Variants in EFCAB5 observed in about 807,000 individuals in gnomAD.
EFCAB5 encodes the protein EF-hand calcium binding domain 5, also known as EF-hand calcium-binding domain-containing protein 5.
A neutral mutation model predicts 167.9 loss-of-function variants in EFCAB5; 131 were observed. The ratio of observed to expected loss-of-function variants is 0.78; its 90% CI spans 0.68 to 0.90. The LOEUF (loss-of-function observed/expected upper bound fraction) is 0.90, where lower values mean the gene tolerates loss of function less well. Ranked by LOEUF, EFCAB5 falls within the 40% of genes least tolerant of loss-of-function variation. EFCAB5 has a pLI of 0.00. For missense variants in EFCAB5, 1,663 were observed against 1,745.2 expected, an observed-to-expected ratio of 0.95 and a Z score of 0.84; for synonymous variants, 574 against 602.8, an observed-to-expected ratio of 0.95 and a Z score of 0.70.
chr17:30,050,006 C>T (rs2070042071), intron 8 of EFCAB5, among the ~76,000 whole-genome samples: 1 of 151,884 alleles, frequency 6.6e-6, no homozygotes, highest in African/African-American at 2.4e-5. Context: ...ATGGTGTTTC[C>T]ATATTACAGA....
At chr17:30,057,952 C>A in intron 13 of EFCAB5, 62 bp downstream of exon 13, 1 of 1,457,660 alleles carries the variant, frequency 6.9e-7, no homozygotes, top group Non-Finnish European at 9.3e-7. Flanking sequence ...ATCTCTCAAC[C>A]TCAGTTGCTC....
Position 30,056,083 on chromosome 17 carries a change from C to G in EFCAB5, c.2292C>G (p.Asn764Lys), listed in dbSNP as rs1440282210. The G allele has an allele frequency of 6.8e-6, 11 of 1,612,652 alleles. No individual in the cohort carries two copies. The highest frequency in any genetic ancestry group is 9.3e-6 in the Non-Finnish European group (11 of 1,179,218). Reference protein sequence around the residue: ...KSWSGEFFTCNWKMKYVTFED... With the variant: ...KSWSGEFFTCKWKMKYVTFED... Reference sequence around the variant, plus strand: ...TTACAGGTGAATTTTTTACTTGTAACTGGAAAATGAAGTATGTCACATTTG... The same window carrying G: ...TTACAGGTGAATTTTTTACTTGTAAGTGGAAAATGAAGTATGTCACATTTG... Residue 764 changes from asparagine to lysine, a missense_variant, in exon 12 of 23, where the codon AAC (asparagine) becomes AAG (lysine). Coordinates refer to ENST00000394835, the MANE Select transcript of EFCAB5 (RefSeq NM_198529.4).
At position 29,943,554 on chromosome 17, in the gene EFCAB5, T is replaced by G. The variant is rs1262573838; in HGVS notation, c.106-11T>G. On this transcript the variant is annotated splice_polypyrimidine_tract_variant and intron_variant, in intron 2 of 22. Coordinates refer to ENST00000394835, the MANE Select transcript of EFCAB5 (RefSeq NM_198529.4). ...ACATTGAAATTGGTGATTTTTTTCCTCTTTTCAAAGACCTTACAGAGTGTG... is the reference window on the plus strand; with the variant it reads ...ACATTGAAATTGGTGATTTTTTTCCGCTTTTCAAAGACCTTACAGAGTGTG... 1 of 1,559,494 alleles carries G rather than the reference T, an allele frequency of 6.4e-7. No homozygotes were observed. Among genetic ancestry groups the G allele is most frequent in the Non-Finnish European group, 8.7e-7 (1 of 1,152,010 alleles).
At chr17:29,944,788 T>G (rs953604729) in intron 3 of EFCAB5, among the ~76,000 whole-genome samples, 1 of 152,012 alleles carries the variant, frequency 6.6e-6, no homozygotes, top group African/African-American at 2.4e-5. Context: ...CACACCCGGC[T>G]AAGTTTGTAT....
At chr17:29,952,640 ACT>A (rs2067535330) in intron 3 of EFCAB5, among the ~76,000 whole-genome samples, 3 of 152,158 alleles carry the variant, frequency 2.0e-5, no homozygotes, top group Admixed American at 2.0e-4. Context: ...TATAAAAAAG[ACT>A]GTAGAATATA....
chr17:30,056,860 T>C (rs1337205786), intron 12 of EFCAB5, among the ~76,000 whole-genome samples: 1 of 152,176 alleles, frequency 6.6e-6, no homozygotes, highest in Non-Finnish European at 1.5e-5. Flanking sequence ...AGCCTGCTAG[T>C]TCATGTTCTT....
rs545496520 is a variant in EFCAB5 at position 30,101,184 on chromosome 17, G to A, written c.4322-6650G>A. On this transcript the variant is annotated intron_variant, in intron 22 of 22. Coordinates refer to ENST00000394835, the MANE Select transcript of EFCAB5 (RefSeq NM_198529.4). ...AGCCATTGCAAGGTTTTAAGCAGAG[G>A]AACGATATGACCTATGTTTTAAAAG... Among the ~76,000 whole-genome samples, 7 of 152,302 alleles carry A rather than the reference G, an allele frequency of 4.6e-5. No homozygotes were observed. In the South Asian group the frequency reaches 1.4e-3, roughly 32 times the overall value.
chr17:29,967,901 T>C (rs2067865432), intron 3 of EFCAB5, among the ~76,000 whole-genome samples: 1 of 151,648 alleles, frequency 6.6e-6, no homozygotes, highest in Admixed American at 6.6e-5. Context: ...TTTTTTTTTT[T>C]TTTTTGAGAC....
At chr17:30,027,237 G>A (rs188343251) in intron 7 of EFCAB5, among the ~76,000 whole-genome samples, 21 of 148,654 alleles carry the variant, frequency 1.4e-4, no homozygotes, top group Non-Finnish European at 2.4e-4. Flanking sequence ...TGCCCACCTC[G>A]GACTCCCAAA....
chr17:30,085,734 A>G (rs963064967), intron 18 of EFCAB5, among the ~76,000 whole-genome samples: 4 of 151,796 alleles, frequency 2.6e-5, no homozygotes, highest in African/African-American at 7.3e-5. Context: ...AAAAAAAAAA[A>G]AAAAGAAAAG....
Position 29,962,218 on chromosome 17 carries a change from T to C in EFCAB5, c.191-6573T>C, listed in dbSNP as rs996608044. 3.3e-5 allele frequency among the ~76,000 whole-genome samples: 5 copies of C among 152,328 alleles called. No individual in the cohort carries two copies. In the South Asian group the frequency reaches 1.0e-3, roughly 32 times the overall value. ...ATCTGAGGATCACTTTTTCTATTTC[T>C]GTGAAAAAGACTATTGGAATTTTGA... is the stretch of plus-strand genomic sequence containing the variant. On this transcript the variant is annotated intron_variant, in intron 3 of 22. Transcript: ENST00000394835.
intron 7 of EFCAB5, among the ~76,000 whole-genome samples, chr17:30,030,534 G>A (rs534162018): frequency 4.6e-5 from 7 of 152,256 alleles, no homozygotes; most frequent in African/African-American, 1.7e-4. Flanking sequence ...GTAGAGATGA[G>A]GTTTCACCAT....
In EFCAB5 at chr17:30,078,071, G is replaced by T. The variant is rs138422344; in HGVS notation, c.2738-144G>T. On this transcript the variant is annotated intron_variant, in intron 14 of 22. Transcript: ENST00000394835. ...AAATTCATTGTAACATATTCCACTG[G>T]GCTCAGAGATGCCTTTGGTATACTT... 2,307 of 741,570 alleles carry T rather than the reference G, an allele frequency of 3.1e-3. 22 individuals carry two copies. The highest frequency in any genetic ancestry group is 0.025 in the African/African-American group (1,399 of 56,246). The allele number at this position is 741,570 out of a possible 1,614,324, so 45.9% of individuals were successfully genotyped here.
Position 30,090,483 on chromosome 17 carries a change from C to G in EFCAB5, c.3746C>G (p.Thr1249Arg), listed in dbSNP as rs781519608. ...GTTCTGGCTTCTGCCTGTGGAGAAA[C>G]GCATATAGTAGTTCCACTTCGTGAG... ...EVVLASACGE[T>R]HIVVPLRERT... Residue 1249 changes from threonine to arginine, a missense_variant, in exon 20 of 23, where the codon ACG (threonine) becomes AGG (arginine). By Grantham distance (71) the Thr-to-Arg change is moderately conservative (BLOSUM62 -1). Coordinates refer to ENST00000394835, the MANE Select transcript of EFCAB5 (RefSeq NM_198529.4). 1 of 1,613,948 alleles carries G rather than the reference C, an allele frequency of 6.2e-7. No individual in the cohort carries two copies. The highest frequency in any genetic ancestry group is 8.5e-7 in the Non-Finnish European group (1 of 1,179,884).
chr17:29,961,727 T>C (rs977617734), intron 3 of EFCAB5, among the ~76,000 whole-genome samples: 2 of 152,144 alleles, frequency 1.3e-5, no homozygotes, highest in African/African-American at 4.8e-5. Context: ...TAGCTGGGAC[T>C]ATAGGTGTGC....
chr17:30,025,361 T>C (rs1230078257), intron 7 of EFCAB5, among the ~76,000 whole-genome samples: 1 of 151,868 alleles, frequency 6.6e-6, no homozygotes, highest in African/African-American at 2.4e-5. Flanking sequence ...GGGCAAAGGG[T>C]ATGAACAGAC....
intron 3 of EFCAB5, among the ~76,000 whole-genome samples, chr17:29,955,826 T>G (rs1478225534): frequency 2.0e-5 from 3 of 152,112 alleles, no homozygotes; most frequent in Non-Finnish European, 4.4e-5. Context: ...ATTCTAAAAT[T>G]TATGTGGAAC....
At chr17:30,007,558 C>T (rs1242665921) in intron 7 of EFCAB5, among the ~76,000 whole-genome samples, 1 of 152,208 alleles carries the variant, frequency 6.6e-6, no homozygotes, top group East Asian at 1.9e-4. Context: ...CAGAGGTCTT[C>T]TCTGACCATG....
chr17:29,956,139 G>A (rs992046423), intron 3 of EFCAB5, among the ~76,000 whole-genome samples: 6 of 152,154 alleles, frequency 3.9e-5, no homozygotes, highest in African/African-American at 1.4e-4. Context: ...CAGTTTTTTA[G>A]GGAATAGCCA....
Sources: gnomAD v4.1 joint callset for allele counts (sites outside exome capture counted in the v4.1 genomes callset) on GRCh38, gnomAD v4.1.1 for gene constraint, MANE v1.5 for transcripts, NCBI Gene and HGNC (gene_info 2026-07-23, HGNC 2026-07-21) for gene names.